The following OSBPL3 variants were observed in gnomAD, a reference collection of about 807,000 sequenced individuals.
The protein encoded by OSBPL3 is oxysterol binding protein like 3.
A neutral mutation model predicts 120.1 loss-of-function variants in OSBPL3; 65 were observed. The ratio of observed to expected loss-of-function variants is 0.54; its 90% CI spans 0.44 to 0.67. The LOEUF is 0.67. Ranked by LOEUF, OSBPL3 falls within the 30% of genes least tolerant of loss-of-function variation. The pLI, the probability that OSBPL3 is intolerant of heterozygous loss-of-function variation, is 0.00. For missense variants in OSBPL3, 1,004 were observed against 1,082.1 expected (o/e 0.93, Z 1.01); for synonymous variants, 416 against 402.6 (o/e 1.03, Z -0.40).
chr7:24,796,959 A>G lies in OSBPL3; in HGVS notation c.*3224T>C, dbSNP rs541968161. ...TTTATGCCGGTGTTAATATCAAAAT[A>G]AAGACATTCAAACAAATTATGCCAA... On this transcript the variant is annotated 3_prime_UTR_variant, in exon 23 of 23. Coordinates refer to ENST00000313367, the MANE Select transcript of OSBPL3 (RefSeq NM_015550.4). This position sits in a 1 kb window ranked among gnomAD's most constrained non-coding sequence, Gnocchi z 5.2. 6.6e-6 allele frequency: 1 copy of G among 152,372 alleles called. No homozygotes were observed. The highest frequency in any genetic ancestry group is 2.4e-5 in the African/African-American group (1 of 41,588). 9.4% of individuals were successfully genotyped at this position (152,372 alleles called of 1,614,324 possible).
Position 24,834,042 on chromosome 7 carries a change from G to T in OSBPL3, c.1746+444C>A, listed in dbSNP as rs1379731923. 6 of 942,140 alleles carry T rather than the reference G, an allele frequency of 6.4e-6. No individual in the cohort carries two copies. Among genetic ancestry groups the T allele is most frequent in the Non-Finnish European group, 7.6e-6 (6 of 790,006 alleles). The allele number at this position is 942,140 out of a possible 1,614,324, so 58.4% of individuals were successfully genotyped here. ...TTTTCCAAAAACCTAGGAGCTGATG[G>T]GACAATTCCAGAAATAAACACAAAC... On this transcript the variant is annotated intron_variant, in intron 15 of 22. Transcript: ENST00000313367. This position sits in a 1 kb window ranked among gnomAD's most constrained non-coding sequence, Gnocchi z 5.2.
chr7:24,811,449 C>T (rs183963958), intron 19 of OSBPL3, among the ~76,000 whole-genome samples: 16 of 152,236 alleles, frequency 1.1e-4, no homozygotes, highest in African/African-American at 3.9e-4. Context: ...ATATTTTCTC[C>T]TATTCTACAG....
At chr7:24,826,458 C>G (rs987412523) in intron 16 of OSBPL3, among the ~76,000 whole-genome samples, 1 of 152,100 alleles carries the variant, frequency 6.6e-6, no homozygotes, top group Non-Finnish European at 1.5e-5. Context: ...GAACAGCATA[C>G]ACAAAGGGCT....
Position 24,804,235 on chromosome 7 carries a change from C to G in OSBPL3, c.2567+80G>C. 4 of 1,529,628 alleles carry G rather than the reference C, an allele frequency of 2.6e-6. No individual in the cohort carries two copies. The allele number at this position is 1,529,628 out of a possible 1,614,324, so 94.8% of individuals were successfully genotyped here. A position where few individuals can be genotyped will look rare whatever the true frequency, so the allele number is the denominator to read the frequency against. On this transcript the variant is annotated intron_variant, in intron 22 of 22. Transcript: ENST00000313367. The surrounding 1 kb of genome is among the most constrained non-coding windows in gnomAD (Gnocchi z 5.4). ...AGAATGCTCTTATCTGGGGACAGTA[C>G]TGTTCACTTTCTGCAAACCAGAAGC...
Position 24,896,940 on chromosome 7 carries a change from T to G in OSBPL3, c.-149-4319A>C, listed in dbSNP as rs1212304069. On this transcript the variant is annotated intron_variant, in intron 1 of 22. Transcript: ENST00000313367. The surrounding 1 kb of genome is among the most constrained non-coding windows in gnomAD (Gnocchi z 4.4). ...TACCAAAATTAGCCGAGCATGGTGG[T>G]GCATGCCTGTAGTCCCAGCTACTCA... 1.3e-5 allele frequency among the ~76,000 whole-genome samples: 2 copies of G among 151,950 alleles called. No individual in the cohort carries two copies.
intron 10 of OSBPL3, among the ~76,000 whole-genome samples, chr7:24,859,441 G>A (rs537080066): frequency 2.6e-5 from 4 of 152,182 alleles, no homozygotes; most frequent in African/African-American, 9.6e-5. Context: ...AGACTTTTTA[G>A]TATACCTATA....
chr7:24,845,383 G>GTAAAAAAAA, intron 12 of OSBPL3, among the ~76,000 whole-genome samples: 1 of 4,220 alleles, frequency 2.4e-4, no homozygotes, highest in Non-Finnish European at 4.0e-4. Context: ...TGCAAAATAA[G>GTAAAAAAAA]TAAAAAAAAA....
At chr7:24,927,721 G>C (rs1811235769) in intron 1 of OSBPL3, among the ~76,000 whole-genome samples, 1 of 152,076 alleles carries the variant, frequency 6.6e-6, no homozygotes, top group Non-Finnish European at 1.5e-5. Context: ...TTTTGAGAGA[G>C]AAAATAGGAC....
Position 24,867,518 on chromosome 7 carries a change from TG to T in OSBPL3, c.382-1282del, listed in dbSNP as rs1801499790. 6.6e-6 allele frequency among the ~76,000 whole-genome samples: 1 copy of T among 152,154 alleles called. No individual in the cohort carries two copies. Among genetic ancestry groups the T allele is most frequent in the Non-Finnish European group, 1.5e-5 (1 of 68,030 alleles). On this transcript the variant is annotated intron_variant, in intron 5 of 22. Transcript: ENST00000313367. The surrounding 1 kb of genome is among the most constrained non-coding windows in gnomAD (Gnocchi z 4.5). The stretch of plus-strand genomic sequence containing the variant: ...CCCATGGTGTTCTCGTGGTGGTGCG[TG>T]GGTCTCGCAAGATCTGGTGGTATTA...
rs1049966369 is a variant in OSBPL3 at position 24,896,007 on chromosome 7, G to A, written c.-149-3386C>T. 2.6e-5 allele frequency among the ~76,000 whole-genome samples: 4 copies of A among 152,136 alleles called. No homozygotes were observed. The highest frequency in any genetic ancestry group is 9.7e-5 in the African/African-American group (4 of 41,428). ...TTGGTCCCCTGGAGCTGATCTTTTTGCAGATTGCTGTCCCTGAGTAAATCT... is the reference window on the plus strand; with the variant it reads ...TTGGTCCCCTGGAGCTGATCTTTTTACAGATTGCTGTCCCTGAGTAAATCT... On this transcript the variant is annotated intron_variant, in intron 1 of 22. Coordinates refer to ENST00000313367, the MANE Select transcript of OSBPL3 (RefSeq NM_015550.4). This position sits in a 1 kb window ranked among gnomAD's most constrained non-coding sequence, Gnocchi z 4.4.
chr7:24,870,667 T>C, intron 5 of OSBPL3, 65 bp downstream of exon 5: 3 of 984,176 alleles, frequency 3.0e-6, no homozygotes, highest in Admixed American at 1.7e-5. Context: ...GCATTACCAA[T>C]AGTATAATAA....
rs57390482 is a variant in OSBPL3, at chr7:24,804,461, T to A, written c.2445-24A>T. 0.054 allele frequency: 86,913 copies of A among 1,599,674 alleles called. 8,068 individuals carry two copies. Among genetic ancestry groups the A allele is most frequent in the African/African-American group, 0.43 (31,512 of 73,782 alleles). On this transcript the variant is annotated intron_variant, in intron 21 of 22. Coordinates refer to ENST00000313367, the MANE Select transcript of OSBPL3 (RefSeq NM_015550.4). This position sits in a 1 kb window ranked among gnomAD's most constrained non-coding sequence, Gnocchi z 5.4. ...ACCTGAGGCATCGAGGAAAAAAAAATGAAAGGATATGAATTCAAGAAAACA... is the reference window on the plus strand; with the variant it reads ...ACCTGAGGCATCGAGGAAAAAAAAAAGAAAGGATATGAATTCAAGAAAACA...
chr7:24,811,905 AG>A (rs1793849946), intron 19 of OSBPL3, among the ~76,000 whole-genome samples: 1 of 152,194 alleles, frequency 6.6e-6, no homozygotes, highest in Non-Finnish European at 1.5e-5. Flanking sequence ...TCATACCTTT[AG>A]TTATTTAATA....
Position 24,866,216 on chromosome 7 carries a change from C to T in OSBPL3, c.403G>A (p.Asp135Asn). 1 of 1,611,360 alleles carries T rather than the reference C, an allele frequency of 6.2e-7. No individual in the cohort carries two copies. The highest frequency in any genetic ancestry group is 8.5e-7 in the Non-Finnish European group (1 of 1,177,500). The change falls in exon 6 of 23, where the codon GAT becomes AAT. Residue 135 changes from aspartate (D) to asparagine (N), a missense_variant. By Grantham distance (23) the Asp-to-Asn change is conservative (BLOSUM62 1). Coordinates refer to ENST00000313367, the MANE Select transcript of OSBPL3 (RefSeq NM_015550.4). ...TGGCGAAGTTTCGATACCCACTCATCAAAGACTTCTTCTGACTTGACCTAT... is the reference window on the plus strand; with the variant it reads ...TGGCGAAGTTTCGATACCCACTCATTAAAGACTTCTTCTGACTTGACCTAT... ...HLKVKSEEVF[D>N]EWVSKLRHHR...
intron 1 of OSBPL3, among the ~76,000 whole-genome samples, chr7:24,929,239 T>C (rs1013648126): frequency 6.6e-6 from 1 of 152,202 alleles, no homozygotes; most frequent in Non-Finnish European, 1.5e-5. Context: ...ATCTGTTTCG[T>C]TCAGTGTGTA....
intron 16 of OSBPL3, among the ~76,000 whole-genome samples, chr7:24,829,758 T>C (rs1796148291): frequency 6.6e-6 from 1 of 152,182 alleles, no homozygotes; most frequent in African/African-American, 2.4e-5. Context: ...AATTTCTTTC[T>C]GCATATCTTA....
chr7:24,904,929 G>A (rs900674826), intron 1 of OSBPL3, among the ~76,000 whole-genome samples: 29 of 147,668 alleles, frequency 2.0e-4, no homozygotes, highest in African/African-American at 3.3e-4. Flanking sequence ...GTGTGTGTGT[G>A]TGTGTGTGTG....
In OSBPL3 at chr7:24,965,916, C is replaced by T. The variant is rs1042766921; in HGVS notation, c.-150+13970G>A. Among the ~76,000 whole-genome samples the T allele has an allele frequency of 6.6e-6, 1 of 152,200 alleles. No individual in the cohort carries two copies. Among genetic ancestry groups the T allele is most frequent in the Admixed American group, 6.5e-5 (1 of 15,280 alleles). On this transcript the variant is annotated intron_variant, in intron 1 of 22. Coordinates refer to ENST00000313367, the MANE Select transcript of OSBPL3 (RefSeq NM_015550.4). This position sits in a 1 kb window ranked among gnomAD's most constrained non-coding sequence, Gnocchi z 4.3. ...ACTGCTGAGGTTTAGAACCACTTCCCTCAAGGGTGTGTCCCATTCATGTGG... is the reference window on the plus strand; with the variant it reads ...ACTGCTGAGGTTTAGAACCACTTCCTTCAAGGGTGTGTCCCATTCATGTGG...
chr7:24,905,512 G>C (rs955680515), intron 1 of OSBPL3, among the ~76,000 whole-genome samples: 3 of 152,146 alleles, frequency 2.0e-5, no homozygotes, highest in African/African-American at 4.8e-5. Context: ...GAAAAGTCTA[G>C]ATCAATTATT....
Sources: gnomAD v4.1 joint callset for allele counts (sites outside exome capture counted in the v4.1 genomes callset) on GRCh38, gnomAD v4.1.1 for gene constraint, Gnocchi (gnomAD v3.1) non-coding constraint, MANE v1.5 for transcripts, NCBI Gene and HGNC (gene_info 2026-07-23, HGNC 2026-07-21) for gene names.